The following CHRNA7 variants were observed in gnomAD, a reference collection of about 807,000 sequenced individuals.
CHRNA7 encodes the protein cholinergic receptor nicotinic alpha 7 subunit, also known as neuronal acetylcholine receptor subunit alpha-7.
A neutral mutation model predicts 48.0 loss-of-function variants in CHRNA7; 17 were observed. That is an observed-to-expected ratio of 0.35 (90% CI 0.24 to 0.53). The LOEUF (loss-of-function observed/expected upper bound fraction) is 0.53. Among genes scored for constraint, CHRNA7 ranks in the 20% least tolerant of loss-of-function variants. CHRNA7 has a pLI of 0.92. For missense variants in CHRNA7, 155 were observed against 577.7 expected (o/e 0.27, Z 7.50); for synonymous variants, 75 against 242.3 (o/e 0.31, Z 6.41).
At chr15:32,083,567 A>AG (rs2050249402) in intron 2 of CHRNA7, among the ~76,000 whole-genome samples, 1 of 152,318 alleles carries the variant, frequency 6.6e-6, no homozygotes, top group Admixed American at 6.5e-5. Flanking sequence ...CTACATGTGA[A>AG]GGGATGAGAT....
intron 4 of CHRNA7, among the ~76,000 whole-genome samples, chr15:32,144,143 G>A (rs1180736214): frequency 6.6e-6 from 1 of 152,156 alleles, no homozygotes; most frequent in Non-Finnish European, 1.5e-5. Context: ...GCATTTGCTT[G>A]TCTGTAAAGG....
intron 2 of CHRNA7, among the ~76,000 whole-genome samples, chr15:32,033,819 G>T (rs149586456): frequency 1.3e-5 from 2 of 152,124 alleles, no homozygotes; most frequent in African/African-American, 4.8e-5. Flanking sequence ...CATAGTAGTT[G>T]GTTTTCCTAC....
At position 32,101,343 on chromosome 15, in the gene CHRNA7, A is replaced by T; in HGVS notation, c.236A>T (p.Gln79Leu). ...NQVLTTNIWLQMSWTDHYLQW... is the reference protein window; with the variant it reads ...NQVLTTNIWLLMSWTDHYLQW... ...GTTTTAACCACCAACATTTGGCTGCAAATGGTAAGTTAAGAGAATGACAAT... is the reference window on the plus strand; with the variant it reads ...GTTTTAACCACCAACATTTGGCTGCTAATGGTAAGTTAAGAGAATGACAAT... Residue 79 changes from glutamine (Q) to leucine (L), a missense_variant, in exon 3 of 10, where the codon CAA becomes CTA. Physicochemically the swap from Gln to Leu is moderately radical, Grantham distance 113 (BLOSUM62 -2). Transcript: ENST00000306901. 6.3e-7 allele frequency: 1 copy of T among 1,592,034 alleles called. No individual in the cohort carries two copies. Among genetic ancestry groups the T allele is most frequent in the Non-Finnish European group, 8.5e-7 (1 of 1,173,088 alleles).
At chr15:32,087,618 A>G (rs2050319217) in intron 2 of CHRNA7, among the ~76,000 whole-genome samples, 1 of 152,208 alleles carries the variant, frequency 6.6e-6, no homozygotes, top group African/African-American at 2.4e-5. Flanking sequence ...TTATTAAGCT[A>G]AACGTGAATT....
At chr15:32,044,497 C>A (rs1183462116) in intron 2 of CHRNA7, among the ~76,000 whole-genome samples, 2 of 152,146 alleles carry the variant, frequency 1.3e-5, no homozygotes, top group Admixed American at 1.3e-4. Context: ...AGGCTGGTCT[C>A]CAACTCCTGA....
At chr15:32,140,168 T>C (rs2051352406) in intron 4 of CHRNA7, among the ~76,000 whole-genome samples, 1 of 151,174 alleles carries the variant, frequency 6.6e-6, no homozygotes, top group Admixed American at 6.6e-5. Context: ...TGAGAACATG[T>C]GGTGTTTGGT....
At chr15:32,101,131 A>G (rs185596331) in intron 2 of CHRNA7, 172 bp from the exon 3 acceptor site, 9 of 606,846 alleles carry the variant, frequency 1.5e-5, no homozygotes, top group Non-Finnish European at 8.4e-6. Flanking sequence ...GAATAAATAG[A>G]AAAGCTTAAC....
intron 2 of CHRNA7, among the ~76,000 whole-genome samples, chr15:32,062,941 A>G (rs768950494): frequency 4.6e-5 from 7 of 152,204 alleles, no homozygotes; most frequent in Non-Finnish European, 8.8e-5. Flanking sequence ...GGTAGAGCCT[A>G]TTGTTCCTAG....
intron 2 of CHRNA7, among the ~76,000 whole-genome samples, chr15:32,039,731 G>C (rs2049413816): frequency 1.1e-5 from 1 of 87,350 alleles, no homozygotes; most frequent in African/African-American, 2.7e-5. Context: ...GCTGTTGTTG[G>C]ATAAAATAGT....
At chr15:32,141,893 C>G (rs1419581716) in intron 4 of CHRNA7, among the ~76,000 whole-genome samples, 1 of 152,162 alleles carries the variant, frequency 6.6e-6, no homozygotes, top group East Asian at 1.9e-4. Flanking sequence ...TCCTCTTTTC[C>G]TATTTGAATA....
At chr15:32,049,068 A>T (rs1457367058) in intron 2 of CHRNA7, among the ~76,000 whole-genome samples, 1 of 147,670 alleles carries the variant, frequency 6.8e-6, no homozygotes, top group East Asian at 2.1e-4. Flanking sequence ...ACTTCCAGGT[A>T]TGTGGTCAAT....
chr15:32,102,370 TC>T (rs1463513085), intron 3 of CHRNA7: 1 of 152,144 alleles, frequency 6.6e-6, no homozygotes, highest in Non-Finnish European at 1.5e-5. Flanking sequence ...GGTCTTGAAC[TC>T]CTGACTTCAG....
intron 2 of CHRNA7, among the ~76,000 whole-genome samples, chr15:32,081,650 C>T (rs1447269008): frequency 1.3e-5 from 2 of 152,036 alleles, no homozygotes; most frequent in African/African-American, 4.8e-5. Flanking sequence ...ACTTTACCTC[C>T]CTTTATCCTC....
At chr15:32,048,558 C>G (rs1455678414) in intron 2 of CHRNA7, among the ~76,000 whole-genome samples, 2 of 152,046 alleles carry the variant, frequency 1.3e-5, no homozygotes, top group Non-Finnish European at 2.9e-5. Context: ...ATTCTTCTCT[C>G]TTTTTTTCTT....
At chr15:32,139,045 C>T (rs563249860) in intron 4 of CHRNA7, among the ~76,000 whole-genome samples, 5 of 152,308 alleles carry the variant, frequency 3.3e-5, no homozygotes, top group Admixed American at 6.5e-5. Flanking sequence ...TGAGCCACTG[C>T]GCCCGGCCTG....
At chr15:32,074,805 G>A (rs529962269) in intron 2 of CHRNA7, among the ~76,000 whole-genome samples, 2 of 151,848 alleles carry the variant, frequency 1.3e-5, no homozygotes, top group African/African-American at 4.8e-5. Context: ...CCGCCACCAC[G>A]CCCAGCTAAT....
At chr15:32,113,270 C>T (rs985149455) in intron 4 of CHRNA7, among the ~76,000 whole-genome samples, 1 of 152,150 alleles carries the variant, frequency 6.6e-6, no homozygotes, top group African/African-American at 2.4e-5. Context: ...TCTGTCCGTG[C>T]CCTAGTCTCC....
At chr15:32,123,006 A>G (rs2051000664) in intron 4 of CHRNA7, among the ~76,000 whole-genome samples, 3 of 152,224 alleles carry the variant, frequency 2.0e-5, no homozygotes, top group Non-Finnish European at 2.9e-5. Flanking sequence ...CTTTCTGGGC[A>G]AAAATGAAAG....
rs969983534 is a variant in CHRNA7, at chr15:32,128,642, G to GT, written c.350+16753dup. On this transcript the variant is annotated intron_variant, in intron 4 of 9. Transcript: ENST00000306901. ...CTGAACTTACTCATTAGGTTTAGCA[G>GT]TTTTTTTTTTAATTGTTTTTGTTTT... Among the ~76,000 whole-genome samples the GT allele has an allele frequency of 1.1e-3, 160 of 148,268 alleles. 1 individual carries two copies. The highest frequency in any genetic ancestry group is 8.5e-3 in the East Asian group (43 of 5,080).
Sources: allele counts gnomAD v4.1 joint callset (sites outside exome capture counted in the v4.1 genomes callset), GRCh38; gene constraint gnomAD v4.1.1; transcripts MANE v1.5; gene names NCBI Gene and HGNC (gene_info 2026-07-23, HGNC 2026-07-21).